Variants in TLL2 observed in about 807,000 individuals in gnomAD.
TLL2 encodes the protein tolloid like 2, also known as tolloid-like protein 2.
In TLL2, 106 loss-of-function variants were observed where a neutral mutation model predicts 123.0. That is an observed-to-expected ratio of 0.86 (90% confidence interval 0.74 to 1.01). The LOEUF is 1.01. Ranked by LOEUF, TLL2 falls within the 50% of genes least tolerant of loss-of-function variation. The pLI, the probability that TLL2 is intolerant of heterozygous loss-of-function variation, is 0.00. For missense variants in TLL2, 1,332 were observed against 1,336.7 expected (o/e 1.00, Z 0.06); for synonymous variants, 494 against 516.8 (o/e 0.96, Z 0.60).
rs1251791370 is a variant in TLL2 at position 96,376,199 on chromosome 10, A to G, written c.2448+493T>C. 1.3e-5 allele frequency among the ~76,000 whole-genome samples: 2 copies of G among 152,218 alleles called. 1 individual carries two copies. The highest frequency in any genetic ancestry group is 6.3e-3 in the Middle Eastern group (2 of 316). On this transcript the variant is annotated intron_variant, in intron 18 of 20. Transcript: ENST00000357947. ...GAATTTGAGTAACAAAAACATATATATTTCCCTGTGCACTGACAGTCATGA... is the reference window on the plus strand; with the variant it reads ...GAATTTGAGTAACAAAAACATATATGTTTCCCTGTGCACTGACAGTCATGA...
chr10:96,482,304 G>C (rs532925849), intron 1 of TLL2, among the ~76,000 whole-genome samples: 149 of 151,230 alleles, frequency 9.9e-4, no homozygotes, highest in Non-Finnish European at 1.6e-3. Flanking sequence ...TTTATCGTGA[G>C]ACCCAGCAAT....
chr10:96,486,453 A>G (rs1337240214), intron 1 of TLL2, among the ~76,000 whole-genome samples: 1 of 152,228 alleles, frequency 6.6e-6, no homozygotes, highest in African/African-American at 2.4e-5. Context: ...CCTTAATAGA[A>G]ATTCCTATAG....
At chr10:96,432,106 A>G (rs749240346) in intron 4 of TLL2, among the ~76,000 whole-genome samples, 1 of 152,144 alleles carries the variant, frequency 6.6e-6, no homozygotes. Context: ...TCTAGTGGCA[A>G]TGGGAAGCTG....
chr10:96,438,348 A>G (rs1038380297), intron 3 of TLL2, among the ~76,000 whole-genome samples: 3 of 152,134 alleles, frequency 2.0e-5, no homozygotes, highest in African/African-American at 7.2e-5. Flanking sequence ...CTGTATATCC[A>G]AGTATTTCAT....
chr10:96,390,040 A>G (rs1846271464), intron 13 of TLL2, among the ~76,000 whole-genome samples: 2 of 152,368 alleles, frequency 1.3e-5, no homozygotes, highest in East Asian at 1.9e-4. Flanking sequence ...GCAGAGGCCA[A>G]GGCCAAGGCC....
intron 1 of TLL2, among the ~76,000 whole-genome samples, chr10:96,486,514 G>A (rs540968258): frequency 5.9e-5 from 9 of 152,304 alleles, no homozygotes; most frequent in East Asian, 1.9e-4. Context: ...GCTCCTCATC[G>A]AAGAAGGCTG....
At chr10:96,504,623 C>T (rs1191820802) in intron 1 of TLL2, among the ~76,000 whole-genome samples, 1 of 152,088 alleles carries the variant, frequency 6.6e-6, no homozygotes, top group Non-Finnish European at 1.5e-5. Flanking sequence ...GAATTGGCAC[C>T]ATTAGAAAAC....
intron 18 of TLL2, among the ~76,000 whole-genome samples, chr10:96,376,196 T>C (rs1846136533): frequency 6.6e-6 from 1 of 152,250 alleles, no homozygotes; most frequent in East Asian, 1.9e-4. Flanking sequence ...CAAAAACATA[T>C]ATATTTCCCT....
Position 96,379,100 on chromosome 10 carries a change from G to A in TLL2, c.2195-8C>T, listed in dbSNP as rs1372535932. On this transcript the variant is annotated splice_region_variant and splice_polypyrimidine_tract_variant and intron_variant, in intron 16 of 20. Transcript: ENST00000357947. ...TGGCACACTCGTCCTTATCTGGGGA[G>A]ATCAATGAACTCTTCTAAGAGGAAC... The A allele has an allele frequency of 1.9e-6, 3 of 1,612,734 alleles. No individual in the cohort carries two copies. The highest frequency in any genetic ancestry group is 2.2e-5 in the South Asian group (2 of 90,930).
At chr10:96,407,089 T>G (rs1200252824) in intron 9 of TLL2, among the ~76,000 whole-genome samples, 1 of 151,980 alleles carries the variant, frequency 6.6e-6, no homozygotes, top group Admixed American at 6.6e-5. Flanking sequence ...CTCCCAATCT[T>G]CCACCCATAT....
chr10:96,417,292 C>A (rs1374647541), intron 7 of TLL2, among the ~76,000 whole-genome samples: 1 of 152,132 alleles, frequency 6.6e-6, no homozygotes. Context: ...CAGTAAAAAC[C>A]CAGTGAACAA....
chr10:96,488,153 G>A (rs546478457), intron 1 of TLL2, among the ~76,000 whole-genome samples: 1 of 152,246 alleles, frequency 6.6e-6, no homozygotes, highest in Admixed American at 6.5e-5. Flanking sequence ...ACTGGCACCA[G>A]GCCCCACTCA....
intron 2 of TLL2, among the ~76,000 whole-genome samples, chr10:96,458,562 G>A (rs74381307): frequency 7.6e-6 from 1 of 131,058 alleles, no homozygotes; most frequent in Non-Finnish European, 1.6e-5. Flanking sequence ...ACTCCAGCCT[G>A]GGGGACAAGA....
rs186295555 is a variant in TLL2, at chr10:96,488,526, T to C, written c.176-8067A>G. On this transcript the variant is annotated intron_variant, in intron 1 of 20. Transcript: ENST00000357947. ...CCCAGGATCCCATGGACAGTTCCTGTGGATCAAAGACAGTCCAAGAAGGCC... is the reference window on the plus strand; with the variant it reads ...CCCAGGATCCCATGGACAGTTCCTGCGGATCAAAGACAGTCCAAGAAGGCC... Among the ~76,000 whole-genome samples, 4 of 152,260 alleles carry C rather than the reference T, an allele frequency of 2.6e-5. No homozygotes were observed. The East Asian group carries it at 7.7e-4, about 29-fold the overall frequency.
Position 96,386,124 on chromosome 10 carries a change from C to T in TLL2, c.1944G>A (p.Trp648Ter). Residue 648 changes from tryptophan (W) to a stop codon, truncating the protein, a stop_gained, in exon 15 of 21, where the codon TGG becomes TGA. Transcript: ENST00000357947. LOFTEE classifies it high-confidence loss of function. ...KEYPTNKNCV[W>*]QVVAPAQYRI... The stretch of plus-strand genomic sequence containing the variant: ...GGTACTGAGCGGGGGCCACCACCTG[C>T]CAGACACAGTTTTTGTTTGTGGGAT... 6.2e-7 allele frequency: 1 copy of T among 1,613,134 alleles called. No individual in the cohort carries two copies. Among genetic ancestry groups the T allele is most frequent in the Non-Finnish European group, 8.5e-7 (1 of 1,179,538 alleles).
At chr10:96,494,079 C>T (rs534805241) in intron 1 of TLL2, among the ~76,000 whole-genome samples, 116 of 152,272 alleles carry the variant, frequency 7.6e-4, no homozygotes, top group African/African-American at 2.5e-3. Flanking sequence ...AGTGCTCTGC[C>T]AACAGAGGAG....
intron 2 of TLL2, among the ~76,000 whole-genome samples, chr10:96,451,769 A>G (rs1846961842): frequency 1.3e-5 from 2 of 152,192 alleles, no homozygotes; most frequent in African/African-American, 4.8e-5. Context: ...CAGTTAAGAC[A>G]TCACTAGGGA....
chr10:96,510,874 G>A (rs1055277780), intron 1 of TLL2, among the ~76,000 whole-genome samples: 3 of 152,166 alleles, frequency 2.0e-5, no homozygotes, highest in African/African-American at 4.8e-5. Context: ...AGGGCAAGAC[G>A]GTTGATGAGG....
At position 96,366,481 on chromosome 10, in the gene TLL2, A is replaced by G. The variant is rs183447859; in HGVS notation, c.*1607T>C. 6.0e-4 allele frequency: 91 copies of G among 152,626 alleles called. No individual in the cohort carries two copies. The highest frequency in any genetic ancestry group is 1.0e-3 in the Admixed American group (16 of 15,288). 9.5% of individuals were successfully genotyped at this position (152,626 alleles called of 1,614,324 possible). ...GACATATATTATTAATAATACTTTA[A>G]TTTTTTTCTGTTTTAAGGAAAAAAT... On this transcript the variant is annotated 3_prime_UTR_variant, in exon 21 of 21. Transcript: ENST00000357947.
Sources: gnomAD v4.1 joint callset for allele counts (sites outside exome capture counted in the v4.1 genomes callset) on GRCh38, gnomAD v4.1.1 for gene constraint, MANE v1.5 for transcripts, NCBI Gene and HGNC (gene_info 2026-07-23, HGNC 2026-07-21) for gene names.